The following CTCFL variants were observed in gnomAD, a reference collection of about 807,000 sequenced individuals.
CTCFL encodes CCCTC-binding factor like.
In CTCFL, 36 loss-of-function variants were observed where a neutral mutation model predicts 67.4. The ratio of observed to expected loss-of-function variants is 0.53; its 90% CI spans 0.41 to 0.71. CTCFL has a LOEUF of 0.71. Ranked by LOEUF, CTCFL falls within the 30% of genes least tolerant of loss-of-function variation. The pLI is 0.00. For missense variants in CTCFL, 786 were observed against 835.2 expected (o/e 0.94, Z 0.73); for synonymous variants, 324 against 302.3 (o/e 1.07, Z -0.75).
rs892291262 is a variant in CTCFL, at chr20:57,519,282, G to A, written c.850C>T (p.Pro284Ser). Residue 284 changes from proline (P) to serine (S), a missense_variant, in exon 4 of 11, where the codon CCT (proline) becomes TCT (serine). Around this residue, in one of 3 missense-constraint regions of CTCFL, gnomAD observed 254 missense variants for 333.9 expected, o/e 0.76. Coordinates refer to ENST00000243914, the MANE Select transcript of CTCFL (RefSeq NM_001386993.1). ...RHMKTHTSEK[P>S]HLCHLCLKTF... ...TTCAGGCAGAGGTGACACAGGTGAG[G>A]CTTCTCACTGGTGTGAGTTTTCATA... 10 of 1,613,916 alleles carry A rather than the reference G, an allele frequency of 6.2e-6. No homozygotes were observed. The African/African-American group carries it at 8.0e-5, about 13-fold the overall frequency.
intron 3 of CTCFL, among the ~76,000 whole-genome samples, chr20:57,522,181 A>T (rs1327847709): frequency 2.0e-5 from 3 of 152,182 alleles, no homozygotes. Context: ...CCCTGACCAC[A>T]TGTAAGAATG....
rs1391234124 is a variant in CTCFL, at chr20:57,497,550, A to C, written c.*1000T>G. 3 of 985,338 alleles carry C rather than the reference A, an allele frequency of 3.0e-6. No individual in the cohort carries two copies. The highest frequency in any genetic ancestry group is 5.2e-4 in the Middle Eastern group (1 of 1,936). The allele number at this position is 985,338 out of a possible 1,614,324, so 61.0% of individuals were successfully genotyped here. A position where few individuals can be genotyped will look rare whatever the true frequency, so the allele number is the denominator to read the frequency against. On this transcript the variant is annotated 3_prime_UTR_variant, in exon 11 of 11. Coordinates refer to ENST00000243914, the MANE Select transcript of CTCFL (RefSeq NM_001386993.1). ...AAATCTGCCTCTGTATCCAGATAGAAATGAATTTCAAGTGTTAAAGAGGCA... is the reference window on the plus strand; with the variant it reads ...AAATCTGCCTCTGTATCCAGATAGACATGAATTTCAAGTGTTAAAGAGGCA...
chr20:57,519,195 C>A lies in CTCFL; in HGVS notation c.925+12G>T. Reference sequence around the variant, plus strand: ...CATCATTCCAGAGAAACAGCCTTCCCGGCAGTTTTACCTGTGTGGGTGTTA... The same window carrying A: ...CATCATTCCAGAGAAACAGCCTTCCAGGCAGTTTTACCTGTGTGGGTGTTA... On this transcript the variant is annotated intron_variant, in intron 4 of 10. Transcript: ENST00000243914. 1 of 1,612,502 alleles carries A rather than the reference C, an allele frequency of 6.2e-7. No individual in the cohort carries two copies. Among genetic ancestry groups the A allele is most frequent in the Non-Finnish European group, 8.5e-7 (1 of 1,178,768 alleles).
chr20:57,508,009 C>A, intron 9 of CTCFL: 1 of 617,784 alleles, frequency 1.6e-6, no homozygotes, highest in Admixed American at 2.6e-5. Flanking sequence ...GTGGTGCGAT[C>A]GTGACTCACT....
Position 57,505,055 on chromosome 20 carries a change from C to A in CTCFL, c.1675-1454G>T, listed in dbSNP as rs371942377. 3.8e-3 allele frequency among the ~76,000 whole-genome samples: 575 copies of A among 151,906 alleles called. 5 individuals carry two copies. The highest frequency in any genetic ancestry group is 0.013 in the African/African-American group (550 of 41,516). On this transcript the variant is annotated intron_variant, in intron 9 of 10. Transcript: ENST00000243914. The stretch of plus-strand genomic sequence containing the variant: ...GGTTCTATAACAAGAGTCGGCTTCC[C>A]CAAAGGCACTGAAAAATGCACAGTT...
Position 57,523,171 on chromosome 20 carries a change from G to A in CTCFL, c.651C>T (p.Leu217=), listed in dbSNP as rs1245417717. The change falls in exon 3 of 11, where the codon CTC becomes CTT. Residue 217 remains leucine (L), a synonymous_variant. Coordinates refer to ENST00000243914, the MANE Select transcript of CTCFL (RefSeq NM_001386993.1). ...SGDERSDEIV[L]TVSNSNVEEQ... ...CTTCCACATTTGAATTTGAAACTGT[G>A]AGAACAATTTCGTCACTTCTTTCAT... The A allele has an allele frequency of 6.2e-7, 1 of 1,613,816 alleles. No homozygotes were observed. Among genetic ancestry groups the A allele is most frequent in the Non-Finnish European group, 8.5e-7 (1 of 1,179,966 alleles).
At chr20:57,514,132 C>T (rs186609821) in intron 7 of CTCFL, among the ~76,000 whole-genome samples, 2 of 152,334 alleles carry the variant, frequency 1.3e-5, no homozygotes, top group Admixed American at 1.3e-4. Flanking sequence ...TTTGAAACTT[C>T]TGCTTCCAAA....
At position 57,508,736 on chromosome 20, in the gene CTCFL, G is replaced by C. The variant is rs758031990; in HGVS notation, c.1544C>G (p.Thr515Ser). Residue 515 changes from threonine (T) to serine (S), a missense_variant, in exon 9 of 11, where the codon ACC (threonine) becomes AGC (serine). This residue lies in a region of CTCFL where 199 missense variants were observed against 196.7 expected (regional missense o/e 1.01). Transcript: ENST00000243914. ...GAAACATTTATTGCAAGAAAGGCAG[G>C]TGAATGGTTTCTCTCCAGTGTGGGT... is the stretch of plus-strand genomic sequence containing the variant. ...IRTHTGEKPF[T>S]CLSCNKCFRQ... 1.2e-6 allele frequency: 2 copies of C among 1,614,228 alleles called. No homozygotes were observed. Among genetic ancestry groups the C allele is most frequent in the South Asian group, 2.2e-5 (2 of 91,086 alleles).
chr20:57,514,561 G>C (rs1443285143), intron 7 of CTCFL, 31 bp downstream of exon 7: 11 of 1,611,424 alleles, frequency 6.8e-6, no homozygotes, highest in Non-Finnish European at 9.3e-6. Context: ...AGCAAATGCT[G>C]TAGTAAAAGA....
In CTCFL at chr20:57,498,301, T is replaced by C. The variant is rs2067756952; in HGVS notation, c.*249A>G. 1 of 1,158,788 alleles carries C rather than the reference T, an allele frequency of 8.6e-7. No individual in the cohort carries two copies. Among genetic ancestry groups the C allele is most frequent in the Non-Finnish European group, 1.1e-6 (1 of 940,266 alleles). The allele number at this position is 1,158,788 out of a possible 1,614,324, so 71.8% of individuals were successfully genotyped here. A position where few individuals can be genotyped will look rare whatever the true frequency, so the allele number is the denominator to read the frequency against. On this transcript the variant is annotated 3_prime_UTR_variant, in exon 11 of 11. Coordinates refer to ENST00000243914, the MANE Select transcript of CTCFL (RefSeq NM_001386993.1). The stretch of plus-strand genomic sequence containing the variant: ...ATACCTGCAATGTTTCTTTGAAATA[T>C]CCAGCTACAAACAGGAGAACAATTC...
At chr20:57,514,959 A>G in intron 6 of CTCFL, 2 of 560,206 alleles carry the variant, frequency 3.6e-6, no homozygotes, top group South Asian at 4.9e-5. Context: ...ACTTCCCCGC[A>G]TCTGGTGGCT....
At chr20:57,520,506 T>C (rs1313717571) in intron 3 of CTCFL, among the ~76,000 whole-genome samples, 3 of 152,316 alleles carry the variant, frequency 2.0e-5, no homozygotes, top group East Asian at 3.9e-4. Flanking sequence ...AACTGGAAGC[T>C]TCCAGCAACC....
At chr20:57,517,062 G>C (rs58213615) in intron 5 of CTCFL, among the ~76,000 whole-genome samples, 1 of 152,170 alleles carries the variant, frequency 6.6e-6, no homozygotes, top group South Asian at 2.1e-4. Flanking sequence ...AGAAAGCTTA[G>C]AATGGAAAAC....
chr20:57,511,467 G>T (rs2068548377), intron 8 of CTCFL, among the ~76,000 whole-genome samples: 1 of 152,114 alleles, frequency 6.6e-6, no homozygotes, highest in African/African-American at 2.4e-5. Flanking sequence ...CTGTGTGTGA[G>T]TCTGTAACAT....
At position 57,518,781 on chromosome 20, in the gene CTCFL, T is replaced by G; in HGVS notation, c.1036A>C (p.Met346Leu). The change falls in exon 5 of 11, where the codon ATG becomes CTG. Residue 346 changes from methionine to leucine, a missense_variant. By Grantham distance (15) the Met-to-Leu change is conservative (BLOSUM62 2). Transcript: ENST00000243914. The stretch of plus-strand genomic sequence containing the variant: ...ACCTCCACACTGGCATACTTGCACA[T>G]GGAACATTTAAAGGGTTTCTCATGA... ...HTHEKPFKCS[M>L]CKYASVEASK... 1 of 1,614,172 alleles carries G rather than the reference T, an allele frequency of 6.2e-7. No homozygotes were observed. The highest frequency in any genetic ancestry group is 2.2e-5 in the East Asian group (1 of 44,884).
At chr20:57,516,420 C>T (rs2068927791) in intron 5 of CTCFL, among the ~76,000 whole-genome samples, 1 of 152,024 alleles carries the variant, frequency 6.6e-6, no homozygotes, top group East Asian at 1.9e-4. Context: ...ACCTGTGGTC[C>T]CAGCTACTCG....
chr20:57,516,702 T>C (rs1360125266), intron 5 of CTCFL, among the ~76,000 whole-genome samples: 1 of 152,218 alleles, frequency 6.6e-6, no homozygotes, highest in East Asian at 1.9e-4. Flanking sequence ...ATTGGTGCCA[T>C]GTGACAGCAG....
intron 10 of CTCFL, among the ~76,000 whole-genome samples, chr20:57,500,953 C>T (rs2067880687): frequency 6.6e-6 from 1 of 152,242 alleles, no homozygotes; most frequent in Non-Finnish European, 1.5e-5. Context: ...GGGGAAGTCA[C>T]GTTTCTCCAG....
At position 57,498,627 on chromosome 20, in the gene CTCFL, C is replaced by T. The variant is rs1600629867; in HGVS notation, c.1915G>A (p.Glu639Lys). 6.2e-7 allele frequency: 1 copy of T among 1,614,188 alleles called. No individual in the cohort carries two copies. ...TCCTCTTTGACTCTGGCTGTGGTTT[C>T]TCTGCAGGCGACAGGAAACATCTCT... ...PGEMFPVACR[E>K]TTARVKEEVD... Residue 639 changes from glutamate (E) to lysine (K), a missense_variant, in exon 11 of 11, where the codon GAA becomes AAA. Transcript: ENST00000243914.
Sources: gnomAD v4.1 joint callset for allele counts (sites outside exome capture counted in the v4.1 genomes callset) on GRCh38, gnomAD v4.1.1 for gene constraint, gnomAD v4.1.1 regional missense constraint, MANE v1.5 for transcripts, NCBI Gene and HGNC (gene_info 2026-07-23, HGNC 2026-07-21) for gene names.